Variants in CDKAL1 observed in about 807,000 individuals in gnomAD.
CDKAL1 encodes the protein CDKAL1 threonylcarbamoyladenosine tRNA methylthiotransferase.
Under a neutral mutation model 68.2 loss-of-function variants are expected in CDKAL1, and 32 were observed. The ratio of observed to expected loss-of-function variants is 0.47; its 90% CI spans 0.35 to 0.63. The LOEUF (loss-of-function observed/expected upper bound fraction) is 0.63, where lower values mean the gene tolerates loss of function less well. Ranked by LOEUF, CDKAL1 falls within the 30% of genes least tolerant of loss-of-function variation. The pLI is 0.00. For missense variants in CDKAL1, 606 were observed against 696.7 expected, an observed-to-expected ratio of 0.87 and a Z score of 1.47; for synonymous variants, 234 against 244.3, an observed-to-expected ratio of 0.96 and a Z score of 0.39.
chr6:21,213,689 TC>T (rs1311676791), intron 15 of CDKAL1, among the ~76,000 whole-genome samples: 4 of 152,282 alleles, frequency 2.6e-5, no homozygotes, highest in African/African-American at 9.6e-5. Flanking sequence ...GGAAGTGATT[TC>T]CCCTGCCGTG....
intron 4 of CDKAL1, among the ~76,000 whole-genome samples, chr6:20,571,287 C>T (rs1764690186): frequency 6.6e-6 from 1 of 152,286 alleles, no homozygotes; most frequent in African/African-American, 2.4e-5. Context: ...AGTTGAACTC[C>T]TCTGTTCCCT....
intron 8 of CDKAL1, among the ~76,000 whole-genome samples, chr6:20,803,728 T>C (rs1032605573): frequency 2.0e-4 from 30 of 152,118 alleles, no homozygotes; most frequent in African/African-American, 7.0e-4. Flanking sequence ...TTGGGGAGAA[T>C]CAGGGGAGCT....
intron 8 of CDKAL1, among the ~76,000 whole-genome samples, chr6:20,786,647 G>A (rs538099725): frequency 9.2e-5 from 14 of 151,756 alleles, no homozygotes; most frequent in East Asian, 1.9e-4. Context: ...TCAGGCGCCC[G>A]CCACCATGCC....
At chr6:20,767,302 A>G (rs954044633) in intron 7 of CDKAL1, among the ~76,000 whole-genome samples, 5 of 152,130 alleles carry the variant, frequency 3.3e-5, no homozygotes, top group Admixed American at 3.3e-4. Flanking sequence ...TTTTGCTTTG[A>G]TTATTCTCAG....
intron 10 of CDKAL1, among the ~76,000 whole-genome samples, chr6:20,980,269 G>A (rs532101849): frequency 1.3e-5 from 2 of 151,528 alleles, no homozygotes; most frequent in South Asian, 2.1e-4. Context: ...ACGCAGTCTC[G>A]TTCTGTCGCC....
At chr6:21,020,480 A>T (rs2150859507) in intron 11 of CDKAL1, among the ~76,000 whole-genome samples, 1 of 151,944 alleles carries the variant, frequency 6.6e-6, no homozygotes, top group South Asian at 2.1e-4. Context: ...TTATTTATTT[A>T]TTTTGAGATA....
At chr6:20,956,976 C>G (rs925688250) in intron 10 of CDKAL1, among the ~76,000 whole-genome samples, 2 of 133,330 alleles carry the variant, frequency 1.5e-5, no homozygotes, top group Non-Finnish European at 3.1e-5. Flanking sequence ...AACACTTTGA[C>G]TCAACACTTG....
At chr6:20,575,371 G>A (rs1168090433) in intron 4 of CDKAL1, among the ~76,000 whole-genome samples, 1 of 150,230 alleles carries the variant, frequency 6.7e-6, no homozygotes, top group Non-Finnish European at 1.5e-5. Context: ...TTATGTCTGC[G>A]GGGACCATCT....
chr6:21,054,145 G>A (rs949684414), intron 11 of CDKAL1, among the ~76,000 whole-genome samples: 3 of 152,040 alleles, frequency 2.0e-5, no homozygotes, highest in Admixed American at 1.3e-4. Flanking sequence ...TAAGGTGGAG[G>A]GTTTAATAAT....
intron 5 of CDKAL1, among the ~76,000 whole-genome samples, chr6:20,732,236 C>G (rs1292485619): frequency 1.5e-5 from 2 of 129,502 alleles, no homozygotes; most frequent in East Asian, 2.2e-4. Flanking sequence ...TTTTCCTTTT[C>G]TTTTTTTCTT....
chr6:21,118,271 G>A (rs889361247), intron 13 of CDKAL1, among the ~76,000 whole-genome samples: 1 of 152,210 alleles, frequency 6.6e-6, no homozygotes, highest in Non-Finnish European at 1.5e-5. Flanking sequence ...AGAGAAGTGA[G>A]GAGGCCGTTA....
intron 5 of CDKAL1, among the ~76,000 whole-genome samples, chr6:20,712,844 G>T (rs1249642431): frequency 1.3e-5 from 2 of 152,088 alleles, no homozygotes; most frequent in Non-Finnish European, 2.9e-5. Flanking sequence ...GTTTCACCAT[G>T]TTGGCCAGGC....
chr6:21,152,837 T>C (rs986853544), intron 13 of CDKAL1, among the ~76,000 whole-genome samples: 3 of 152,348 alleles, frequency 2.0e-5, no homozygotes, highest in Non-Finnish European at 2.9e-5. Flanking sequence ...ACTCCAGCCA[T>C]GTACTACGCA....
At chr6:20,928,886 A>G (rs1763301931) in intron 9 of CDKAL1, among the ~76,000 whole-genome samples, 1 of 152,128 alleles carries the variant, frequency 6.6e-6, no homozygotes, top group Non-Finnish European at 1.5e-5. Context: ...GAAAAAAATT[A>G]TGAACCTTTT....
At chr6:21,093,710 T>TGC (rs1773168358) in intron 12 of CDKAL1, among the ~76,000 whole-genome samples, 1 of 39,780 alleles carries the variant, frequency 2.5e-5, no homozygotes, top group African/African-American at 1.0e-4. Context: ...TTTTTTTTTT[T>TGC]TTTTTTTTTT....
intron 12 of CDKAL1, among the ~76,000 whole-genome samples, chr6:21,076,001 A>G (rs1047528407): frequency 5.3e-5 from 8 of 152,140 alleles, no homozygotes; most frequent in Admixed American, 1.3e-4. Flanking sequence ...CTTGTCTTAC[A>G]TGTTGGAACC....
At chr6:20,689,288 T>C (rs112585577) in intron 5 of CDKAL1, among the ~76,000 whole-genome samples, 1 of 152,212 alleles carries the variant, frequency 6.6e-6, no homozygotes, top group African/African-American at 2.4e-5. Context: ...CTGGAGTTTT[T>C]AACTTTACTC....
At chr6:21,015,556 A>G (rs574602627) in intron 11 of CDKAL1, among the ~76,000 whole-genome samples, 4 of 152,076 alleles carry the variant, frequency 2.6e-5, no homozygotes, top group Non-Finnish European at 5.9e-5. Context: ...TTCGTTGTCC[A>G]GTTTGTTTTG....
At chr6:20,775,694 G>A (rs982611432) in intron 7 of CDKAL1, among the ~76,000 whole-genome samples, 1 of 151,896 alleles carries the variant, frequency 6.6e-6, no homozygotes, top group Non-Finnish European at 1.5e-5. Flanking sequence ...ATTTATTCTG[G>A]TAAGTTTTAG....
Sources: allele counts gnomAD v4.1 joint callset (sites outside exome capture counted in the v4.1 genomes callset), GRCh38; gene constraint gnomAD v4.1.1; transcripts MANE v1.5; gene names NCBI Gene and HGNC (gene_info 2026-07-23, HGNC 2026-07-21).